The following INPP4B variants were observed in gnomAD, a reference collection of about 807,000 sequenced individuals.
INPP4B encodes inositol polyphosphate-4-phosphatase type II B.
Under a neutral mutation model 122.5 loss-of-function variants are expected in INPP4B, and 55 were observed. The observed-to-expected ratio is 0.45, with a 90% CI of 0.36 to 0.56. The LOEUF (loss-of-function observed/expected upper bound fraction) is 0.56, where lower values mean the gene tolerates loss of function less well. Ranked by LOEUF, INPP4B falls within the 20% of genes least tolerant of loss-of-function variation. The pLI, the probability that INPP4B is intolerant of heterozygous loss-of-function variation, is 0.00. For synonymous variants in INPP4B, 403 were observed against 388.7 expected (o/e 1.04, Z -0.43); for missense variants, 1,000 against 1,097.7 (o/e 0.91, Z 1.26).
intron 16 of INPP4B, among the ~76,000 whole-genome samples, chr4:142,170,630 T>G (rs1380062121): frequency 6.6e-6 from 1 of 151,674 alleles, no homozygotes; most frequent in African/African-American, 2.4e-5. Context: ...AATAATATTA[T>G]CCACCTCATG....
chr4:142,097,210 G>A (rs1451045640), intron 23 of INPP4B, among the ~76,000 whole-genome samples: 6 of 33,298 alleles, frequency 1.8e-4, no homozygotes, highest in Non-Finnish European at 6.2e-4. Context: ...TCCATTTTTT[G>A]TTTATTTTAT....
intron 7 of INPP4B, among the ~76,000 whole-genome samples, chr4:142,376,136 T>C (rs779384376): frequency 3.9e-5 from 6 of 152,068 alleles, no homozygotes; most frequent in African/African-American, 1.2e-4. Flanking sequence ...GGAATAAGTA[T>C]TGAAATATTT....
In INPP4B at chr4:142,226,064, C is replaced by A. The variant is rs542936354; in HGVS notation, c.836+11800G>T. Among the ~76,000 whole-genome samples, 23 of 152,060 alleles carry A rather than the reference C, an allele frequency of 1.5e-4. No homozygotes were observed. The East Asian group carries it at 3.1e-3, about 20-fold the overall frequency. Reference sequence around the variant, plus strand: ...AGCACAGCAAACCTTTGAAATAGTACAAAATTTGAAGAAAATACTCAACAT... The same window carrying A: ...AGCACAGCAAACCTTTGAAATAGTAAAAAATTTGAAGAAAATACTCAACAT... On this transcript the variant is annotated intron_variant, in intron 12 of 25. Transcript: ENST00000262992.
At chr4:142,657,446 A>T (rs1173538053) in intron 2 of INPP4B, among the ~76,000 whole-genome samples, 1 of 152,228 alleles carries the variant, frequency 6.6e-6, no homozygotes, top group East Asian at 1.9e-4. Context: ...CCTTGGCTGC[A>T]CTTAGCACAC....
chr4:142,088,756 T>A (rs1205152705), intron 23 of INPP4B, among the ~76,000 whole-genome samples: 1 of 152,210 alleles, frequency 6.6e-6, no homozygotes, highest in African/African-American at 2.4e-5. Context: ...ACTTAAATTC[T>A]TTTTCTTGGC....
At chr4:142,731,388 T>C (rs545736615) in intron 1 of INPP4B, among the ~76,000 whole-genome samples, 1 of 152,146 alleles carries the variant, frequency 6.6e-6, no homozygotes, top group Non-Finnish European at 1.5e-5. Flanking sequence ...TCTAAAAAGA[T>C]CAAGATTGCT....
At chr4:142,747,717 T>C (rs949738250) in intron 1 of INPP4B, among the ~76,000 whole-genome samples, 3 of 152,162 alleles carry the variant, frequency 2.0e-5, no homozygotes, top group African/African-American at 7.2e-5. Flanking sequence ...TCATGTCTTT[T>C]GTAGGGACAT....
chr4:142,779,373 T>C (rs1206081925), intron 1 of INPP4B, among the ~76,000 whole-genome samples: 3 of 152,240 alleles, frequency 2.0e-5, no homozygotes, highest in Non-Finnish European at 2.9e-5. Flanking sequence ...AATTTTGGAA[T>C]GCCCCTTCAC....
rs543530950 is a variant in INPP4B, at chr4:142,290,990, A to G, written c.503+14468T>C. Among the ~76,000 whole-genome samples the G allele has an allele frequency of 1.9e-4, 29 of 152,164 alleles. No homozygotes were observed. The South Asian group carries it at 5.6e-3, about 29-fold the overall frequency. ...ATATTATTATTATTTTTAAATCTCA[A>G]ATCAGCCTTATGAGATACAGTCTGC... On this transcript the variant is annotated intron_variant, in intron 9 of 25. Transcript: ENST00000262992.
chr4:142,396,428 C>A (rs1332838020), intron 7 of INPP4B, among the ~76,000 whole-genome samples: 1 of 152,020 alleles, frequency 6.6e-6, no homozygotes, highest in Admixed American at 6.5e-5. Context: ...CACTTCATAC[C>A]CACTAAAATA....
chr4:142,216,977 G>A (rs958251230), intron 12 of INPP4B, among the ~76,000 whole-genome samples: 5 of 152,146 alleles, frequency 3.3e-5, no homozygotes, highest in Non-Finnish European at 5.9e-5. Context: ...CCCTGGGGTT[G>A]TTGTAGGTAT....
In INPP4B at chr4:142,336,658, G is replaced by A. The variant is rs142088053; in HGVS notation, c.373-21896C>T. On this transcript the variant is annotated intron_variant, in intron 7 of 25. Coordinates refer to ENST00000262992, the MANE Select transcript of INPP4B (RefSeq NM_001101669.3). ...GGGCATGGCTGTGATTCCCCTCCTC[G>A]TCCAGATGCTGGTGCCCAAGGCGGA... 4.6e-3 allele frequency among the ~76,000 whole-genome samples: 707 copies of A among 152,326 alleles called. 6 individuals are homozygous for A. Among genetic ancestry groups the A allele is most frequent in the African/African-American group, 0.016 (667 of 41,582 alleles).
intron 2 of INPP4B, among the ~76,000 whole-genome samples, chr4:142,642,703 A>G (rs1432515150): frequency 6.6e-6 from 1 of 152,190 alleles, no homozygotes; most frequent in East Asian, 1.9e-4. Context: ...AGGTAGCGTG[A>G]TGCCTCCAGC....
At chr4:142,279,351 T>C (rs2150746747) in intron 9 of INPP4B, among the ~76,000 whole-genome samples, 1 of 151,828 alleles carries the variant, frequency 6.6e-6, no homozygotes, top group Non-Finnish European at 1.5e-5. Flanking sequence ...AAAAATAAAA[T>C]GAAGGAATTG....
intron 5 of INPP4B, among the ~76,000 whole-genome samples, chr4:142,406,655 G>A (rs1314522395): frequency 1.3e-5 from 2 of 152,144 alleles, no homozygotes; most frequent in Admixed American, 1.3e-4. Flanking sequence ...CTTCTGTATG[G>A]CGTTTTGTCA....
At chr4:142,374,033 A>G (rs910708232) in intron 7 of INPP4B, among the ~76,000 whole-genome samples, 1 of 151,968 alleles carries the variant, frequency 6.6e-6, no homozygotes, top group Non-Finnish European at 1.5e-5. Flanking sequence ...AAAAAGGAAG[A>G]GAAAAGGAGT....
intron 9 of INPP4B, among the ~76,000 whole-genome samples, chr4:142,290,439 CT>C: frequency 6.6e-6 from 1 of 152,030 alleles, no homozygotes; most frequent in Admixed American, 6.5e-5. Flanking sequence ...AACTCCTGAC[CT>C]GGTGATCGAC....
At chr4:142,365,861 G>A (rs1444188508) in intron 7 of INPP4B, among the ~76,000 whole-genome samples, 1 of 151,594 alleles carries the variant, frequency 6.6e-6, no homozygotes, top group Non-Finnish European at 1.5e-5. Flanking sequence ...CTTCCATCCT[G>A]ATTATACAAA....
At chr4:142,470,138 G>A (rs116598828) in intron 2 of INPP4B, among the ~76,000 whole-genome samples, 5,427 of 151,798 alleles carry the variant, frequency 0.036, 131 homozygotes, top group Non-Finnish European at 0.055. Context: ...AAATTATAAA[G>A]AAAACGCATA....
Sources: allele counts gnomAD v4.1 joint callset (sites outside exome capture counted in the v4.1 genomes callset), GRCh38; gene constraint gnomAD v4.1.1; transcripts MANE v1.5; gene names NCBI Gene and HGNC (gene_info 2026-07-23, HGNC 2026-07-21).